DPP6: variants seen among roughly 807,000 people sequenced by gnomAD.
DPP6 encodes the protein dipeptidyl peptidase like 6, also known as A-type potassium channel modulatory protein DPP6.
DPP6 carries 69 observed loss-of-function variants against 122.6 expected under a neutral mutation model. The ratio of observed to expected loss-of-function variants is 0.56; its 90% confidence interval spans 0.46 to 0.69. The LOEUF (loss-of-function observed/expected upper bound fraction) is 0.69. Ranked by LOEUF, DPP6 falls within the 30% of genes least tolerant of loss-of-function variation. DPP6 has a pLI of 0.00. For missense variants in DPP6, 928 were observed against 1,116.9 expected (o/e 0.83, Z 2.41); for synonymous variants, 418 against 433.1 (o/e 0.97, Z 0.43).
chr7:154,285,018 G>A (rs1051308214), intron 1 of DPP6, among the ~76,000 whole-genome samples: 2 of 151,734 alleles, frequency 1.3e-5, no homozygotes, highest in Admixed American at 6.6e-5. Flanking sequence ...AGGAGAAATA[G>A]ACATGTATTG....
Position 154,529,099 on chromosome 7 carries a change from T to A in DPP6, c.458-11433T>A, listed in dbSNP as rs192716679. Among the ~76,000 whole-genome samples, 369 of 152,266 alleles carry A rather than the reference T, an allele frequency of 2.4e-3. 2 individuals carry two copies. Among genetic ancestry groups the A allele is most frequent in the African/African-American group, 8.5e-3 (355 of 41,550 alleles). ...GAATGGAAATAAGGAGAGCGACCCA[T>A]TAGGAGGCTGCTGGAGTAGTCTATG... On this transcript the variant is annotated intron_variant, in intron 3 of 25. Coordinates refer to ENST00000377770, the MANE Select transcript of DPP6 (RefSeq NM_130797.4).
chr7:153,883,784 C>A (rs1436132768), upstream of DPP6, among the ~76,000 whole-genome samples: 1 of 152,168 alleles, frequency 6.6e-6, no homozygotes, highest in Non-Finnish European at 1.5e-5. Flanking sequence ...CAGGCATTAC[C>A]TGGATATTCA....
At chr7:154,577,270 T>G (rs1336137357) in intron 5 of DPP6, among the ~76,000 whole-genome samples, 1 of 151,374 alleles carries the variant, frequency 6.6e-6, no homozygotes, top group Admixed American at 6.6e-5. Context: ...GTTTAGAACA[T>G]GGGAGGGTGG....
At chr7:154,811,842 C>T (rs1325896839) in intron 16 of DPP6, among the ~76,000 whole-genome samples, 3 of 152,154 alleles carry the variant, frequency 2.0e-5, no homozygotes, top group Non-Finnish European at 4.4e-5. Flanking sequence ...AACGTCTCCA[C>T]TCCTAGCATT....
intron 19 of DPP6, among the ~76,000 whole-genome samples, chr7:154,873,442 C>T (rs3807285): frequency 0.17 from 25,278 of 152,042 alleles, 2,477 homozygotes; most frequent in East Asian, 0.54. Context: ...CTGCACCCCT[C>T]GTAGCCTGGG....
At chr7:154,444,141 T>C (rs1429848863) in intron 1 of DPP6, among the ~76,000 whole-genome samples, 3 of 152,126 alleles carry the variant, frequency 2.0e-5, no homozygotes, top group Non-Finnish European at 2.9e-5. Context: ...AATGTGCATA[T>C]AGACCAGAAA....
At position 154,833,797 on chromosome 7, in the gene DPP6, AGACAAAGGAAATTTAAG is replaced by A. The variant is rs1465526090; in HGVS notation, c.1667-19971_1667-19955del. Among the ~76,000 whole-genome samples the A allele has an allele frequency of 6.6e-6, 1 of 152,212 alleles. No homozygotes were observed. ...CACTAAAATGACCAAAGATTCTCATAGACAAAGGAAATTTAAGGACAAAGGAAAATTATGTGGACAAA... is the reference window on the plus strand; with the variant it reads ...CACTAAAATGACCAAAGATTCTCATAGACAAAGGAAAATTATGTGGACAAA... On this transcript the variant is annotated intron_variant, in intron 16 of 25. Coordinates refer to ENST00000377770, the MANE Select transcript of DPP6 (RefSeq NM_130797.4). The surrounding 1 kb of genome is among the most constrained non-coding windows in gnomAD (Gnocchi z 4.3).
chr7:154,102,949 G>T (rs1357571389), intron 1 of DPP6, among the ~76,000 whole-genome samples: 1 of 152,076 alleles, frequency 6.6e-6, no homozygotes, highest in African/African-American at 2.4e-5. Context: ...AGTGAACAGG[G>T]TGTCCTCTGA....
chr7:153,974,230 T>C (rs1315727190), intron 1 of DPP6, among the ~76,000 whole-genome samples: 2 of 152,136 alleles, frequency 1.3e-5, no homozygotes, highest in Non-Finnish European at 2.9e-5. Flanking sequence ...CTTGCACCTT[T>C]TGTAGTAACT....
chr7:154,515,455 C>T (rs1826412050), intron 3 of DPP6, among the ~76,000 whole-genome samples: 1 of 151,760 alleles, frequency 6.6e-6, no homozygotes, highest in African/African-American at 2.4e-5. Context: ...TTTCTGAGTT[C>T]CTTCCTACCT....
At chr7:153,954,650 A>G (rs1041917789) in intron 1 of DPP6, among the ~76,000 whole-genome samples, 3 of 152,206 alleles carry the variant, frequency 2.0e-5, no homozygotes, top group African/African-American at 7.2e-5. Flanking sequence ...GTTACCCTCC[A>G]TCATGTGGGT....
At chr7:153,887,899 G>T (rs547615544) in intron 1 of DPP6, among the ~76,000 whole-genome samples, 3 of 150,884 alleles carry the variant, frequency 2.0e-5, no homozygotes, top group Non-Finnish European at 4.4e-5. Flanking sequence ...CCCACCCAGC[G>T]GCAGGGGGAT....
At chr7:153,817,908 A>C in the DPP6 span, among the ~76,000 whole-genome samples, 3 of 151,872 alleles carry the variant, frequency 2.0e-5, no homozygotes, top group African/African-American at 7.3e-5. Flanking sequence ...CTAGAACTTA[A>C]AGTATAATAA....
chr7:154,802,836 CA>C (rs537624311), intron 13 of DPP6, among the ~76,000 whole-genome samples: 48,064 of 110,764 alleles, frequency 0.43, 7,720 homozygotes, highest in Admixed American at 0.48. Context: ...GACACTGTCT[CA>C]AAAAAAAAAA....
chr7:153,852,950 G>T, the DPP6 span, among the ~76,000 whole-genome samples: 1 of 152,036 alleles, frequency 6.6e-6, no homozygotes, highest in Admixed American at 6.6e-5. Flanking sequence ...ATGAAGTGAG[G>T]AGTATCAAGA....
chr7:154,744,909 G>C (rs1330765297), intron 8 of DPP6, among the ~76,000 whole-genome samples: 1 of 152,158 alleles, frequency 6.6e-6, no homozygotes, highest in African/African-American at 2.4e-5. Flanking sequence ...CAGAATCCAG[G>C]GGGCTGTGTT....
chr7:154,637,006 C>T (rs922618678), intron 5 of DPP6, among the ~76,000 whole-genome samples: 3 of 152,156 alleles, frequency 2.0e-5, no homozygotes, highest in Admixed American at 1.3e-4. Context: ...ACAGAGTAAC[C>T]CACATATTCC....
chr7:154,845,491 G>A (rs531336465), intron 16 of DPP6, among the ~76,000 whole-genome samples: 24 of 152,176 alleles, frequency 1.6e-4, no homozygotes, highest in Non-Finnish European at 2.5e-4. Context: ...TTGTAGTCAG[G>A]AAAACCTATG....
At chr7:154,791,598 T>C (rs1444284267) in intron 10 of DPP6, among the ~76,000 whole-genome samples, 1 of 152,204 alleles carries the variant, frequency 6.6e-6, no homozygotes, top group Non-Finnish European at 1.5e-5. Flanking sequence ...CGGGGGGACA[T>C]GGCCAAACCA....
Sources: allele counts gnomAD v4.1 joint callset (sites outside exome capture counted in the v4.1 genomes callset), GRCh38; gene constraint gnomAD v4.1.1; non-coding constraint Gnocchi (gnomAD v3.1); transcripts MANE v1.5; gene names NCBI Gene and HGNC (gene_info 2026-07-23, HGNC 2026-07-21).